The following STAG1 variants were observed in gnomAD, a reference collection of about 807,000 sequenced individuals.
STAG1 encodes the protein cohesin subunit SA-1.
In STAG1, 26 loss-of-function variants were observed where a neutral mutation model predicts 170.9. That is an observed-to-expected ratio of 0.15 (90% CI 0.11 to 0.21). The LOEUF (loss-of-function observed/expected upper bound fraction) is 0.21, where lower values mean the gene tolerates loss of function less well. Among genes scored for constraint, STAG1 ranks in the 10% least tolerant of loss-of-function variants. The probability of loss-of-function intolerance (pLI) is 1.00; values close to 1 mark genes in which losing one functional copy is unlikely to be tolerated. For missense variants in STAG1, 964 were observed against 1,509.5 expected, an observed-to-expected ratio of 0.64 and a Z score of 5.99; for synonymous variants, 514 against 497.7, an observed-to-expected ratio of 1.03 and a Z score of -0.44.
At chr3:136,476,240 C>G (rs1237908450) in intron 10 of STAG1, among the ~76,000 whole-genome samples, 1 of 152,202 alleles carries the variant, frequency 6.6e-6, no homozygotes, top group East Asian at 1.9e-4. Flanking sequence ...AATACACAGA[C>G]CTTCCTCCTG....
At chr3:136,408,791 C>T (rs1381206511) in intron 21 of STAG1, among the ~76,000 whole-genome samples, 1 of 152,000 alleles carries the variant, frequency 6.6e-6, no homozygotes, top group African/African-American at 2.4e-5. Context: ...AGATTCATGT[C>T]TTTTTGACTT....
chr3:136,500,148 G>T, intron 9 of STAG1, 75 bp downstream of exon 9: 1 of 972,338 alleles, frequency 1.0e-6, no homozygotes, highest in Non-Finnish European at 1.6e-6. Flanking sequence ...GAGTTTTACA[G>T]TTAGCCTGGG....
chr3:136,422,894 T>G, intron 17 of STAG1, 37 bp from the exon 18 acceptor site: 2 of 1,592,154 alleles, frequency 1.3e-6, no homozygotes, highest in Non-Finnish European at 1.7e-6. Context: ...AGTAACTACT[T>G]TAATAGTACA....
chr3:136,652,453 C>T (rs1941250342), intron 1 of STAG1, among the ~76,000 whole-genome samples: 1 of 152,212 alleles, frequency 6.6e-6, no homozygotes, highest in African/African-American at 2.4e-5. Context: ...TTTGGTGTTA[C>T]TTCATCTTAA....
chr3:136,579,060 C>T (rs1937538320), intron 4 of STAG1, among the ~76,000 whole-genome samples: 1 of 152,208 alleles, frequency 6.6e-6, no homozygotes, highest in Admixed American at 6.5e-5. Flanking sequence ...ATTACATCTT[C>T]ATTTAACTCA....
intron 1 of STAG1, among the ~76,000 whole-genome samples, chr3:136,748,171 G>A (rs1405295433): frequency 2.0e-5 from 3 of 151,664 alleles, no homozygotes; most frequent in East Asian, 2.0e-4. Context: ...GTGGACAGAC[G>A]GTTTCAGGTC....
At chr3:136,484,663 G>A (rs1186734606) in intron 9 of STAG1, among the ~76,000 whole-genome samples, 5 of 149,932 alleles carry the variant, frequency 3.3e-5, no homozygotes, top group African/African-American at 7.4e-5. Context: ...AATGGCGGGC[G>A]CCCCTCCCCC....
At chr3:136,630,647 T>C (rs1037560755) in intron 2 of STAG1, among the ~76,000 whole-genome samples, 2 of 152,220 alleles carry the variant, frequency 1.3e-5, no homozygotes, top group African/African-American at 2.4e-5. Flanking sequence ...GACATTAACA[T>C]CTTTTTTGTT....
At chr3:136,358,545 C>T (rs1483279029) in intron 27 of STAG1, among the ~76,000 whole-genome samples, 2 of 152,124 alleles carry the variant, frequency 1.3e-5, no homozygotes, top group African/African-American at 4.8e-5. Flanking sequence ...AAACCCAAAT[C>T]AGTTTTGTAT....
intron 6 of STAG1, among the ~76,000 whole-genome samples, chr3:136,522,401 A>C (rs996192077): frequency 3.3e-5 from 5 of 152,182 alleles, no homozygotes; most frequent in African/African-American, 1.2e-4. Context: ...GGAGCACTAC[A>C]TGACGGGGAG....
chr3:136,591,961 GAAT>G (rs1307530729), intron 4 of STAG1, among the ~76,000 whole-genome samples: 1 of 152,130 alleles, frequency 6.6e-6, no homozygotes, highest in Non-Finnish European at 1.5e-5. Context: ...GAGTAAGAAA[GAAT>G]ATTAGAAACA....
intron 5 of STAG1, among the ~76,000 whole-genome samples, chr3:136,567,799 G>A (rs527465003): frequency 4.5e-4 from 69 of 152,302 alleles, no homozygotes; most frequent in South Asian, 1.7e-3. Context: ...ATGAGCTAAT[G>A]TATGTAAAGC....
At chr3:136,386,410 G>C (rs1388208144) in intron 22 of STAG1, among the ~76,000 whole-genome samples, 1 of 152,096 alleles carries the variant, frequency 6.6e-6, no homozygotes, top group African/African-American at 2.4e-5. Context: ...CCCAAATATG[G>C]AAGGCACAAT....
At chr3:136,682,286 G>C (rs542822979) in intron 1 of STAG1, among the ~76,000 whole-genome samples, 10 of 151,878 alleles carry the variant, frequency 6.6e-5, no homozygotes, top group Admixed American at 4.6e-4. Flanking sequence ...TTAGCCAGGC[G>C]TGGTGGTGGG....
chr3:136,656,896 CT>C (rs1429921727), intron 1 of STAG1, among the ~76,000 whole-genome samples: 2 of 151,946 alleles, frequency 1.3e-5, no homozygotes, highest in East Asian at 3.9e-4. Flanking sequence ...AATCAATAAT[CT>C]TTAGTTCAGC....
At chr3:136,672,829 C>T (rs1942020081) in intron 1 of STAG1, among the ~76,000 whole-genome samples, 1 of 152,136 alleles carries the variant, frequency 6.6e-6, no homozygotes, top group Middle Eastern at 3.4e-3. Context: ...TATTGTTAGA[C>T]AAAGACCATG....
chr3:136,415,135 AAGTC>A (rs1323290245), intron 21 of STAG1, among the ~76,000 whole-genome samples: 2 of 152,188 alleles, frequency 1.3e-5, no homozygotes, highest in Non-Finnish European at 2.9e-5. Flanking sequence ...CAGAAACACT[AAGTC>A]AGCATATGCT....
At chr3:136,424,690 C>T (rs1222614265) in intron 16 of STAG1, among the ~76,000 whole-genome samples, 1 of 152,032 alleles carries the variant, frequency 6.6e-6, no homozygotes, top group East Asian at 1.9e-4. Flanking sequence ...CCTCAAAATA[C>T]CTCTGAGGGG....
intron 25 of STAG1, among the ~76,000 whole-genome samples, chr3:136,365,754 T>C (rs150831735): frequency 1.2e-4 from 19 of 152,220 alleles, no homozygotes; most frequent in African/African-American, 3.8e-4. Context: ...AAGCAGAAGT[T>C]TGCTAACAGA....
Sources: allele counts gnomAD v4.1 joint callset (sites outside exome capture counted in the v4.1 genomes callset), GRCh38; gene constraint gnomAD v4.1.1; transcripts MANE v1.5; gene names NCBI Gene and HGNC (gene_info 2026-07-23, HGNC 2026-07-21).